The following UTRN variants were observed in gnomAD, a reference collection of about 807,000 sequenced individuals.
The protein encoded by UTRN is dystrophin-related protein 1.
A neutral mutation model predicts 463.9 loss-of-function variants in UTRN; 283 were observed. The observed-to-expected ratio is 0.61, with a 90% CI of 0.55 to 0.67. The LOEUF (loss-of-function observed/expected upper bound fraction) is 0.67, where lower values mean the gene tolerates loss of function less well. Ranked by LOEUF, UTRN falls within the 30% of genes least tolerant of loss-of-function variation. The pLI is 0.00. For synonymous variants in UTRN, 1,442 were observed against 1,431.5 expected, an observed-to-expected ratio of 1.01 and a Z score of -0.17; for missense variants, 3,922 against 4,084.3, an observed-to-expected ratio of 0.96 and a Z score of 1.08.
At chr6:144,727,376 G>C (rs912125405) in intron 53 of UTRN, among the ~76,000 whole-genome samples, 1 of 152,172 alleles carries the variant, frequency 6.6e-6, no homozygotes, top group Non-Finnish European at 1.5e-5. Flanking sequence ...CTTCTCTTCA[G>C]TGGCTTGCAT....
chr6:144,673,702 C>A (rs551207347), intron 51 of UTRN, among the ~76,000 whole-genome samples: 1 of 151,838 alleles, frequency 6.6e-6, no homozygotes, highest in Non-Finnish European at 1.5e-5. Flanking sequence ...TGCCTGAATA[C>A]CCTTTTTTAA....
chr6:144,366,437 T>A (rs1366692742), intron 2 of UTRN, among the ~76,000 whole-genome samples: 2 of 152,186 alleles, frequency 1.3e-5, no homozygotes, highest in Admixed American at 6.5e-5. Context: ...TGTCTGTTGT[T>A]CCCCTCTATG....
rs144323098 is a variant in UTRN at position 144,438,797 on chromosome 6, G to T, written c.1294G>T (p.Ala432Ser). 2 of 1,614,074 alleles carry T rather than the reference G, an allele frequency of 1.2e-6. No homozygotes were observed. The highest frequency in any genetic ancestry group is 1.7e-6 in the Non-Finnish European group (2 of 1,180,040). ...GAAGAAGCAACTGCAGCAGCTCTCCGCCTGGTTAACACTCACAGAGGAGCG... is the reference window on the plus strand; with the variant it reads ...GAAGAAGCAACTGCAGCAGCTCTCCTCCTGGTTAACACTCACAGAGGAGCG... ...LQKKQLQQLS[A>S]WLTLTEERIQ... The change falls in exon 12 of 75, where the codon GCC (alanine) becomes TCC (serine). Residue 432 changes from alanine (A) to serine (S), a missense_variant. Coordinates refer to ENST00000367545, the MANE Select transcript of UTRN (RefSeq NM_007124.3).
intron 2 of UTRN, among the ~76,000 whole-genome samples, chr6:144,299,573 T>C (rs1248179896): frequency 6.6e-6 from 1 of 152,052 alleles, no homozygotes; most frequent in Admixed American, 6.6e-5. Flanking sequence ...ATGATACCAA[T>C]ATATCTAGTG....
intron 61 of UTRN, among the ~76,000 whole-genome samples, chr6:144,784,578 G>A (rs989085373): frequency 2.0e-5 from 3 of 152,206 alleles, no homozygotes; most frequent in Non-Finnish European, 4.4e-5. Context: ...GGTACTAGGA[G>A]TTAGGACCTT....
intron 54 of UTRN, among the ~76,000 whole-genome samples, chr6:144,735,391 T>A (rs553156023): frequency 6.6e-6 from 1 of 152,256 alleles, no homozygotes; most frequent in East Asian, 1.9e-4. Flanking sequence ...CAGCTGTATT[T>A]TGGGGAGTCA....
At chr6:144,300,172 C>G (rs960811911) in intron 2 of UTRN, among the ~76,000 whole-genome samples, 3 of 151,800 alleles carry the variant, frequency 2.0e-5, no homozygotes, top group Admixed American at 6.6e-5. Context: ...TCACTGCAAC[C>G]TCTGCCTCCT....
At chr6:144,703,738 T>TA (rs1345867616) in intron 53 of UTRN, among the ~76,000 whole-genome samples, 4 of 152,108 alleles carry the variant, frequency 2.6e-5, no homozygotes, top group Admixed American at 1.3e-4. Context: ...CAAGAGGTGT[T>TA]ACAGTGGCAT....
At chr6:144,495,968 A>G (rs1793604069) in intron 33 of UTRN, among the ~76,000 whole-genome samples, 1 of 152,212 alleles carries the variant, frequency 6.6e-6, no homozygotes, top group African/African-American at 2.4e-5. Flanking sequence ...GAGAAATGTT[A>G]AAACATCAGG....
rs181597673 is a variant in UTRN at position 144,287,037 on chromosome 6, C to G, written c.-93+1216C>G. Among the ~76,000 whole-genome samples the G allele has an allele frequency of 5.9e-5, 9 of 152,242 alleles. No individual in the cohort carries two copies. In the East Asian group the frequency reaches 1.6e-3, roughly 26 times the overall value. ...TGAGCCGACCCTCCCGGCCGCCCGG[C>G]CGGGCGGCAGCGACCGCATCCATTC... On this transcript the variant is annotated intron_variant, in intron 1 of 74. Coordinates refer to ENST00000367545, the MANE Select transcript of UTRN (RefSeq NM_007124.3).
At chr6:144,654,248 C>T (rs554821581) in intron 51 of UTRN, among the ~76,000 whole-genome samples, 1 of 152,310 alleles carries the variant, frequency 6.6e-6, no homozygotes, top group Non-Finnish European at 1.5e-5. Flanking sequence ...ATGACAGGGA[C>T]ATGGTTCAGA....
intron 26 of UTRN, among the ~76,000 whole-genome samples, chr6:144,481,254 G>A (rs1414006903): frequency 1.3e-5 from 2 of 152,212 alleles, no homozygotes; most frequent in African/African-American, 4.8e-5. Flanking sequence ...AAAGGGGAAA[G>A]TGAAAGACTG....
At chr6:144,694,137 T>C (rs1783721724) in intron 52 of UTRN, among the ~76,000 whole-genome samples, 1 of 152,034 alleles carries the variant, frequency 6.6e-6, no homozygotes, top group South Asian at 2.1e-4. Flanking sequence ...TCTGCATGTA[T>C]TGAGATAATC....
At chr6:144,416,456 A>G (rs1171377683) in intron 3 of UTRN, among the ~76,000 whole-genome samples, 1 of 152,230 alleles carries the variant, frequency 6.6e-6, no homozygotes, top group Admixed American at 6.5e-5. Flanking sequence ...CTTCCCTCAC[A>G]TGTGTCATCA....
At chr6:144,570,296 C>G (rs114722278) in intron 50 of UTRN, among the ~76,000 whole-genome samples, 1 of 152,028 alleles carries the variant, frequency 6.6e-6, no homozygotes, top group Non-Finnish European at 1.5e-5. Context: ...GGTCTGGATG[C>G]GACAGAGGCA....
At chr6:144,403,086 C>T in intron 2 of UTRN, 37 bp from the exon 3 acceptor site, 1 of 1,586,526 alleles carries the variant, frequency 6.3e-7, no homozygotes, top group Non-Finnish European at 8.6e-7. Flanking sequence ...TACAGACTCT[C>T]ATACTTTTTC....
Position 144,551,222 on chromosome 6 carries a change from T to C in UTRN, c.6928+140T>C, listed in dbSNP as rs900731558. The C allele has an allele frequency of 3.4e-5, 19 of 555,960 alleles. 1 individual carries two copies. The Admixed American group carries it at 4.5e-4, about 13-fold the overall frequency. The allele number at this position is 555,960 out of a possible 1,614,324, so 34.4% of individuals were successfully genotyped here. On this transcript the variant is annotated intron_variant, in intron 48 of 74. Coordinates refer to ENST00000367545, the MANE Select transcript of UTRN (RefSeq NM_007124.3). Reference sequence around the variant, plus strand: ...GAAAGTAATAGTGTTTAATATTTGTTACTCTTTATTTATACAGAAATGTAG... The same window carrying C: ...GAAAGTAATAGTGTTTAATATTTGTCACTCTTTATTTATACAGAAATGTAG...
rs779593238 is a variant in UTRN at position 144,459,246 on chromosome 6, T to C, written c.2599T>C (p.Ser867Pro). The change falls in exon 21 of 75, where the codon TCT becomes CCT. Residue 867 changes from serine to proline, a missense_variant. By Grantham distance (74) the Ser-to-Pro change is moderately conservative (BLOSUM62 -1). This residue lies in a region of UTRN where 2,349 missense variants were observed against 2,303.8 expected (regional missense o/e 1.02). Transcript: ENST00000367545. Reference protein sequence around the residue: ...MARASCSALMSQPSAPDFVQR... With the variant: ...MARASCSALMPQPSAPDFVQR... ...TCGTGCAAGCTGCTCGGCCCTGATG[T>C]CTCAGCCTTCTGCCCCAGATTTTGT... 6.2e-7 allele frequency: 1 copy of C among 1,614,138 alleles called. No homozygotes were observed. Among genetic ancestry groups the C allele is most frequent in the African/African-American group, 1.3e-5 (1 of 75,036 alleles).
At position 144,635,430 on chromosome 6, in the gene UTRN, C is replaced by T. The variant is rs1203596285; in HGVS notation, c.7480-42976C>T. Reference sequence around the variant, plus strand: ...CCTCCCAAAGTGCTAGAATTAAGGGCGTGAGCCACCATGCCCAGCCTGCAA... The same window carrying T: ...CCTCCCAAAGTGCTAGAATTAAGGGTGTGAGCCACCATGCCCAGCCTGCAA... On this transcript the variant is annotated intron_variant, in intron 51 of 74. Transcript: ENST00000367545. 4.7e-5 allele frequency among the ~76,000 whole-genome samples: 7 copies of T among 149,600 alleles called. No individual in the cohort carries two copies. The East Asian group carries it at 1.2e-3, about 25-fold the overall frequency.
Sources: gnomAD v4.1 joint callset for allele counts (sites outside exome capture counted in the v4.1 genomes callset) on GRCh38, gnomAD v4.1.1 for gene constraint, gnomAD v4.1.1 regional missense constraint, MANE v1.5 for transcripts, NCBI Gene and HGNC (gene_info 2026-07-23, HGNC 2026-07-21) for gene names.